The following CSMD1 variants were observed in gnomAD, a reference collection of about 807,000 sequenced individuals.
The protein encoded by CSMD1 is CUB and sushi domain-containing protein 1.
In CSMD1, 213 loss-of-function variants were observed where a neutral mutation model predicts 417.5. The ratio of observed to expected loss-of-function variants is 0.51; its 90% CI spans 0.46 to 0.57. The LOEUF (loss-of-function observed/expected upper bound fraction) is 0.57. Ranked by LOEUF, CSMD1 falls within the 20% of genes least tolerant of loss-of-function variation. CSMD1 has a pLI of 0.00. For synonymous variants in CSMD1, 2,862 were observed against 1,736.8 expected (o/e 1.65, Z -16.11); for missense variants, 6,923 against 4,529.7 (o/e 1.53, Z -15.17).
chr8:3,428,696 C>CACTAG (rs1269954435), intron 12 of CSMD1, among the ~76,000 whole-genome samples: 3 of 152,102 alleles, frequency 2.0e-5, no homozygotes, highest in Non-Finnish European at 4.4e-5. Context: ...AGTCATCCTA[C>CACTAG]TAGTGGGCAT....
rs76963535 is a variant in CSMD1 at position 4,831,545 on chromosome 8, T to A, written c.85+162787A>T. 2.2e-4 allele frequency among the ~76,000 whole-genome samples: 34 copies of A among 152,284 alleles called. 1 individual carries two copies. In the East Asian group the frequency reaches 6.4e-3, roughly 29 times the overall value. On this transcript the variant is annotated intron_variant, in intron 1 of 69. Transcript: ENST00000635120. ...TTTTTTTTAATATCAGAAGATAATG[T>A]GTCTCCAAGGGTTTAAGGAACTCTT...
chr8:4,814,305 G>A (rs188816301), intron 1 of CSMD1, among the ~76,000 whole-genome samples: 3 of 152,266 alleles, frequency 2.0e-5, no homozygotes, highest in Admixed American at 1.3e-4. Context: ...GAGCGCAATG[G>A]CACAAACTCA....
intron 1 of CSMD1, among the ~76,000 whole-genome samples, chr8:4,672,767 A>G (rs979431524): frequency 2.0e-5 from 3 of 152,066 alleles, no homozygotes; most frequent in Admixed American, 6.6e-5. Flanking sequence ...AGTCACATGC[A>G]TACATGGTGA....
chr8:3,853,039 T>C (rs1197829101), intron 5 of CSMD1, among the ~76,000 whole-genome samples: 1 of 152,158 alleles, frequency 6.6e-6, no homozygotes, highest in Non-Finnish European at 1.5e-5. Flanking sequence ...TCTCCCGTCC[T>C]CATGTCATCA....
intron 1 of CSMD1, among the ~76,000 whole-genome samples, chr8:4,905,595 C>T (rs188811596): frequency 1.6e-4 from 25 of 151,572 alleles, no homozygotes; most frequent in Non-Finnish European, 2.8e-4. Context: ...CAAGGTGGGC[C>T]CATCACGAGG....
chr8:4,972,439 G>C (rs1292222679), intron 1 of CSMD1, among the ~76,000 whole-genome samples: 1 of 152,154 alleles, frequency 6.6e-6, no homozygotes, highest in Non-Finnish European at 1.5e-5. Context: ...GGTTTTATAA[G>C]TGTTTGGTAG....
At chr8:4,180,348 G>A (rs1798291366) in intron 3 of CSMD1, among the ~76,000 whole-genome samples, 2 of 147,966 alleles carry the variant, frequency 1.4e-5, no homozygotes. Flanking sequence ...AACAATGCAT[G>A]TTCTCACTCA....
chr8:3,170,886 G>A (rs1384539948), intron 37 of CSMD1, among the ~76,000 whole-genome samples: 2 of 152,144 alleles, frequency 1.3e-5, no homozygotes, highest in Non-Finnish European at 2.9e-5. Context: ...GAAAAGAAAC[G>A]AGTCAACACA....
intron 41 of CSMD1, among the ~76,000 whole-genome samples, chr8:3,118,947 G>T (rs571503432): frequency 2.6e-5 from 4 of 152,168 alleles, no homozygotes; most frequent in Admixed American, 2.6e-4. Flanking sequence ...CTGGGAGGCC[G>T]AGGCGGGAGG....
chr8:4,190,731 C>T lies in CSMD1; in HGVS notation c.416-158632G>A, dbSNP rs560381543. ...TTTTACAGAAAATCATCTGAAATCA[C>T]ATGAATGGATATAACTAATTAAACA... On this transcript the variant is annotated intron_variant, in intron 3 of 69. Coordinates refer to ENST00000635120, the MANE Select transcript of CSMD1 (RefSeq NM_033225.6). Among the ~76,000 whole-genome samples, 200 of 152,204 alleles carry T rather than the reference C, an allele frequency of 1.3e-3. 2 individuals carry two copies. The highest frequency in any genetic ancestry group is 4.6e-3 in the African/African-American group (191 of 41,524).
intron 5 of CSMD1, among the ~76,000 whole-genome samples, chr8:3,970,339 C>T (rs568958666): frequency 2.6e-5 from 4 of 152,256 alleles, no homozygotes; most frequent in South Asian, 2.1e-4. Context: ...CCTATACCAG[C>T]ATAAGATCGC....
At chr8:4,423,060 A>G (rs946501100) in intron 2 of CSMD1, among the ~76,000 whole-genome samples, 3 of 152,062 alleles carry the variant, frequency 2.0e-5, no homozygotes, top group Non-Finnish European at 2.9e-5. Flanking sequence ...ACAAAAATAA[A>G]AAAAATTTAA....
At chr8:3,472,326 G>A (rs35473038) in intron 11 of CSMD1, among the ~76,000 whole-genome samples, 66,713 of 151,766 alleles carry the variant, frequency 0.44, 14,939 homozygotes, top group East Asian at 0.57. Flanking sequence ...TTTAACTATT[G>A]TAAGTGTGTA....
intron 26 of CSMD1, among the ~76,000 whole-genome samples, chr8:3,265,272 A>C (rs73500049): frequency 0.033 from 5,085 of 152,342 alleles, 261 homozygotes; most frequent in African/African-American, 0.11. Flanking sequence ...CTAAGTGTCA[A>C]ATGTGAGGCA....
intron 3 of CSMD1, among the ~76,000 whole-genome samples, chr8:4,107,769 A>C (rs1384661435): frequency 1.3e-5 from 2 of 152,194 alleles, no homozygotes; most frequent in African/African-American, 2.4e-5. Flanking sequence ...TGACTGCACG[A>C]GGCTGTCACC....
chr8:4,780,703 T>C (rs777435151), intron 1 of CSMD1, among the ~76,000 whole-genome samples: 2 of 152,158 alleles, frequency 1.3e-5, no homozygotes, highest in Non-Finnish European at 2.9e-5. Flanking sequence ...TATGTTGTCT[T>C]TTATTTCTGA....
chr8:4,211,126 G>A (rs1039332123), intron 3 of CSMD1, among the ~76,000 whole-genome samples: 1 of 151,844 alleles, frequency 6.6e-6, no homozygotes, highest in Non-Finnish European at 1.5e-5. Flanking sequence ...ATATATTCCT[G>A]AAATGTGTGT....
intron 1 of CSMD1, among the ~76,000 whole-genome samples, chr8:4,647,861 G>A (rs988343874): frequency 6.6e-6 from 1 of 152,172 alleles, no homozygotes; most frequent in Non-Finnish European, 1.5e-5. Context: ...ATTGTAAATA[G>A]TACTGCAGTA....
At chr8:3,359,983 T>C (rs1012199976) in intron 20 of CSMD1, among the ~76,000 whole-genome samples, 13 of 152,234 alleles carry the variant, frequency 8.5e-5, no homozygotes, top group African/African-American at 2.7e-4. Flanking sequence ...TATTTCTAAT[T>C]GCTTAAATTG....
Sources: gnomAD v4.1 joint callset for allele counts (sites outside exome capture counted in the v4.1 genomes callset) on GRCh38, gnomAD v4.1.1 for gene constraint, MANE v1.5 for transcripts, NCBI Gene and HGNC (gene_info 2026-07-23, HGNC 2026-07-21) for gene names.